The following DMBT1 variants were observed in gnomAD, a reference collection of about 807,000 sequenced individuals.
DMBT1 encodes scavenger receptor cysteine-rich domain-containing protein DMBT1.
A neutral mutation model predicts 252.9 loss-of-function variants in DMBT1; 198 were observed. The observed-to-expected ratio is 0.78, with a 90% CI of 0.70 to 0.88. The LOEUF is 0.88. DMBT1 is among the 40% of genes least tolerant of loss of function. The pLI, the probability that DMBT1 is intolerant of heterozygous loss-of-function variation, is 0.00. For missense variants in DMBT1, 2,432 were observed against 2,404.7 expected (o/e 1.01, Z -0.24); for synonymous variants, 990 against 942.7 (o/e 1.05, Z -0.92).
At chr10:122,623,324 G>A (rs1413118898) in intron 44 of DMBT1, among the ~76,000 whole-genome samples, 1 of 152,200 alleles carries the variant, frequency 6.6e-6, no homozygotes, top group African/African-American at 2.4e-5. Context: ...CATATGGGTT[G>A]CTTCCATCTT....
chr10:122,576,862 A>G, intron 7 of DMBT1, 140 bp downstream of exon 7: 1 of 1,047,320 alleles, frequency 9.5e-7, no homozygotes, highest in African/African-American at 1.6e-5. Context: ...CCCCATCTCT[A>G]TTAAAAAAAG....
At chr10:122,580,301 T>C (rs9286321) in intron 10 of DMBT1, among the ~76,000 whole-genome samples, 34,915 of 152,088 alleles carry the variant, frequency 0.23, 6,880 homozygotes, top group African/African-American at 0.52. Context: ...TAAAAGTGGG[T>C]TCTCAGCTGA....
chr10:122,634,982 T>G (rs995534356), intron 52 of DMBT1, among the ~76,000 whole-genome samples: 1 of 152,200 alleles, frequency 6.6e-6, no homozygotes, highest in African/African-American at 2.4e-5. Flanking sequence ...GTCTCTGCTT[T>G]AGTGATTCAT....
chr10:122,573,659 A>C, intron 5 of DMBT1, 56 bp from the exon 6 acceptor site: 1 of 1,604,834 alleles, frequency 6.2e-7, no homozygotes, highest in Middle Eastern at 1.7e-4. Context: ...GCCCTGGACC[A>C]ACCCTCCCCA....
intron 26 of DMBT1, among the ~76,000 whole-genome samples, chr10:122,599,576 A>G (rs1284607087): frequency 6.6e-6 from 1 of 152,180 alleles, no homozygotes; most frequent in Non-Finnish European, 1.5e-5. Context: ...GTCTGATTCT[A>G]TCACGCCTGG....
chr10:122,634,555 G>A (rs191418064), intron 52 of DMBT1, among the ~76,000 whole-genome samples: 17 of 149,578 alleles, frequency 1.1e-4, no homozygotes, highest in Non-Finnish European at 2.1e-4. Context: ...GGAATGTAGT[G>A]GCACGGTCTC....
chr10:122,629,695 A>G, intron 46 of DMBT1, 145 bp from the exon 47 acceptor site: 1 of 984,486 alleles, frequency 1.0e-6, no homozygotes, highest in Non-Finnish European at 1.5e-6. Flanking sequence ...AACCAGGCCC[A>G]AGAGAGGGGA....
chr10:122,590,804 A>G (rs2097843893), intron 18 of DMBT1, 110 bp downstream of exon 18: 1 of 1,354,630 alleles, frequency 7.4e-7, no homozygotes, highest in African/African-American at 1.4e-5. Context: ...TGTGGGTCAT[A>G]CTATTTTCCC....
intron 16 of DMBT1, among the ~76,000 whole-genome samples, chr10:122,588,361 C>T (rs1399633543): frequency 4.1e-5 from 6 of 147,108 alleles, no homozygotes; most frequent in Non-Finnish European, 9.1e-5. Flanking sequence ...GGTGACCTGT[C>T]TCCCTTGGGA....
intron 52 of DMBT1, among the ~76,000 whole-genome samples, chr10:122,634,352 C>CTTTCTTTCTTTCTTTCTTTCTT (rs1566001166): frequency 6.6e-5 from 6 of 90,714 alleles, no homozygotes; most frequent in South Asian, 3.9e-4. Context: ...TTCTTTCTTT[C>CTTTCTTTCTTTCTTTCTTTCTT]TTTCTTTCTT....
At chr10:122,571,000 C>T (rs962057835) in intron 4 of DMBT1, 63 bp downstream of exon 4, 2 of 1,564,864 alleles carry the variant, frequency 1.3e-6, no homozygotes, top group African/African-American at 2.7e-5. Flanking sequence ...AGGTTCATCT[C>T]TGATTCAGAC....
At chr10:122,628,686 CATG>C (rs1263964184) in intron 46 of DMBT1, among the ~76,000 whole-genome samples, 1 of 152,134 alleles carries the variant, frequency 6.6e-6, no homozygotes, top group Non-Finnish European at 1.5e-5. Flanking sequence ...TATGCTACAA[CATG>C]ATGAACTTTG....
chr10:122,630,620 G>A (rs1417711562), intron 48 of DMBT1, 130 bp downstream of exon 48: 2 of 1,025,460 alleles, frequency 2.0e-6, no homozygotes, highest in East Asian at 2.6e-5. Flanking sequence ...CTTTCTCTTG[G>A]CACTGACTGT....
At chr10:122,620,378 C>T (rs1414026458) in intron 43 of DMBT1, 87 bp downstream of exon 43, 5 of 1,491,546 alleles carry the variant, frequency 3.4e-6, no homozygotes, top group Non-Finnish European at 4.6e-6. Flanking sequence ...GAGGCTCAAG[C>T]TGGCGCCTCT....
chr10:122,566,612 C>T (rs989535942), intron 2 of DMBT1, among the ~76,000 whole-genome samples: 1 of 152,132 alleles, frequency 6.6e-6, no homozygotes, highest in Non-Finnish European at 1.5e-5. Context: ...GCCCGGCCTA[C>T]CTTTTCTTTT....
intron 8 of DMBT1, among the ~76,000 whole-genome samples, chr10:122,578,515 A>G (rs1481695099): frequency 2.6e-5 from 4 of 152,040 alleles, no homozygotes; most frequent in African/African-American, 9.7e-5. Flanking sequence ...TCTCTCAGAG[A>G]GAGGTGGAAG....
chr10:122,571,414 T>G (rs1387913637), intron 4 of DMBT1, among the ~76,000 whole-genome samples: 11 of 152,160 alleles, frequency 7.2e-5, no homozygotes, highest in African/African-American at 2.7e-4. Context: ...TTTCCTTTTT[T>G]AAAGGCTTTG....
intron 41 of DMBT1, 22 bp from the exon 42 acceptor site, chr10:122,619,286 C>T (rs943428190): frequency 6.2e-7 from 1 of 1,613,790 alleles, no homozygotes; most frequent in African/African-American, 1.3e-5. Context: ...TCTGATCTGA[C>T]CTTCTCTTCT....
Position 122,576,527 on chromosome 10 carries a change from G to A in DMBT1, c.412G>A (p.Val138Met), listed in dbSNP as rs932165991. 1.2e-5 allele frequency: 19 copies of A among 1,613,882 alleles called. No homozygotes were observed. The highest frequency in any genetic ancestry group is 1.5e-5 in the Non-Finnish European group (18 of 1,179,886). Residue 138 changes from valine (V) to methionine (M), a missense_variant, in exon 7 of 56, where the codon GTG becomes ATG. By Grantham distance (21) the Val-to-Met change is conservative. This residue lies in a region of DMBT1 where 1,264 missense variants were observed against 1,082.2 expected (regional missense o/e 1.17). Coordinates refer to ENST00000338354, the MANE Select transcript of DMBT1 (RefSeq NM_001377530.1). ...DDSWDTNDAN[V>M]VCRQLGCGWA... ...CAGCTGGGACACCAATGATGCCAAC[G>A]TGGTCTGTAGGCAGCTGGGTTGTGG...
Sources: gnomAD v4.1 joint callset for allele counts (sites outside exome capture counted in the v4.1 genomes callset) on GRCh38, gnomAD v4.1.1 for gene constraint, gnomAD v4.1.1 regional missense constraint, MANE v1.5 for transcripts, NCBI Gene and HGNC (gene_info 2026-07-23, HGNC 2026-07-21) for gene names.